SLTM: variants seen among roughly 807,000 people sequenced by gnomAD.
The protein encoded by SLTM is SAFB-like transcription modulator.
Under a neutral mutation model 134.6 loss-of-function variants are expected in SLTM, and 43 were observed. The observed-to-expected ratio is 0.32, with a 90% CI of 0.25 to 0.41. The LOEUF is 0.41. Ranked by LOEUF, SLTM falls within the 10% of genes least tolerant of loss-of-function variation. The probability of loss-of-function intolerance (pLI) is 1.00; values close to 1 mark genes in which losing one functional copy is unlikely to be tolerated. For synonymous variants in SLTM, 424 were observed against 432.3 expected (o/e 0.98, Z 0.24); for missense variants, 1,055 against 1,288.8 (o/e 0.82, Z 2.78).
intron 5 of SLTM, among the ~76,000 whole-genome samples, chr15:58,911,354 A>C (rs761207611): frequency 3.9e-5 from 6 of 152,202 alleles, no homozygotes; most frequent in African/African-American, 1.4e-4. Context: ...TACCCAGAGG[A>C]AATAACTGAC....
At chr15:58,907,957 G>A (rs1049878716) in intron 5 of SLTM, among the ~76,000 whole-genome samples, 1 of 151,538 alleles carries the variant, frequency 6.6e-6, no homozygotes, top group Middle Eastern at 3.2e-3. Context: ...GTCAAAGCCT[G>A]AGGACTGGCT....
intron 5 of SLTM, among the ~76,000 whole-genome samples, chr15:58,909,793 A>G (rs2036128575): frequency 6.6e-6 from 1 of 152,242 alleles, no homozygotes; most frequent in Non-Finnish European, 1.5e-5. Flanking sequence ...GTTGAACACC[A>G]CCACAGGAAT....
chr15:58,922,500 A>G lies in SLTM; in HGVS notation c.251-5501T>C, dbSNP rs1307677410. ...GTACATAATATACAATATGCATATT[A>G]TATATTATATACGTATAAAATTTAT... On this transcript the variant is annotated intron_variant, in intron 2 of 20. Coordinates refer to ENST00000380516, the MANE Select transcript of SLTM (RefSeq NM_024755.4). 4.8e-5 allele frequency among the ~76,000 whole-genome samples: 7 copies of G among 145,560 alleles called. No individual in the cohort carries two copies. In the South Asian group the frequency reaches 6.3e-4, roughly 13 times the overall value.
chr15:58,891,265 A>C (rs766912228), intron 14 of SLTM, among the ~76,000 whole-genome samples: 4 of 152,186 alleles, frequency 2.6e-5, no homozygotes, highest in Non-Finnish European at 5.9e-5. Flanking sequence ...TAAGTATCTT[A>C]TTGATGCATG....
Position 58,890,460 on chromosome 15 carries a change from G to A in SLTM, c.1900C>T (p.Arg634Ter). The A allele has an allele frequency of 6.2e-7, 1 of 1,612,088 alleles. No homozygotes were observed. Among genetic ancestry groups the A allele is most frequent in the Non-Finnish European group, 8.5e-7 (1 of 1,179,494 alleles). The part of the protein sequence containing the change: ...RLRRAMELRR[R>*]REIAERERRE... ...CGCTCTCTCTCTGCAATCTCTCTTC[G>A]TCTACCAAAAATCAGTATTTAGAAA... The change falls in exon 15 of 21, where the codon CGA becomes TGA. Residue 634 changes from arginine to a stop codon, truncating the protein, a stop_gained and splice_region_variant. Coordinates refer to ENST00000380516, the MANE Select transcript of SLTM (RefSeq NM_024755.4). LOFTEE classifies it high-confidence loss of function.
chr15:58,927,774 A>C (rs553107196), intron 2 of SLTM, among the ~76,000 whole-genome samples: 2 of 152,318 alleles, frequency 1.3e-5, no homozygotes, highest in Non-Finnish European at 2.9e-5. Flanking sequence ...TTATACGCCC[A>C]AAGTCCTCCT....
intron 5 of SLTM, among the ~76,000 whole-genome samples, chr15:58,909,558 G>T (rs2036110807): frequency 6.6e-6 from 1 of 152,160 alleles, no homozygotes; most frequent in Admixed American, 6.5e-5. Context: ...AATTAGAATA[G>T]CATCCCTCTG....
intron 5 of SLTM, among the ~76,000 whole-genome samples, chr15:58,905,133 T>G (rs2141066119): frequency 1.3e-5 from 2 of 152,322 alleles, no homozygotes; most frequent in East Asian, 3.9e-4. Context: ...CAGGAGCCAT[T>G]GCACCCAGCC....
chr15:58,913,734 A>G, intron 3 of SLTM, 38 bp from the exon 4 acceptor site: 1 of 1,556,830 alleles, frequency 6.4e-7, no homozygotes, highest in Non-Finnish European at 8.8e-7. Flanking sequence ...ACTAGAGGCA[A>G]AGTAGTGTGG....
At chr15:58,896,500 G>A (rs539526208) in intron 9 of SLTM, among the ~76,000 whole-genome samples, 12 of 151,952 alleles carry the variant, frequency 7.9e-5, no homozygotes, top group Admixed American at 2.6e-4. Context: ...GGCAGAGGTC[G>A]CAGTGAGCCC....
At chr15:58,912,661 G>C in intron 4 of SLTM, 51 bp from the exon 5 acceptor site, 1 of 1,452,470 alleles carries the variant, frequency 6.9e-7, no homozygotes. Flanking sequence ...TCGGGGTAAC[G>C]TGAGAATGCT....
chr15:58,919,562 G>A (rs959550891), intron 2 of SLTM, among the ~76,000 whole-genome samples: 2 of 152,074 alleles, frequency 1.3e-5, no homozygotes, highest in Non-Finnish European at 2.9e-5. Context: ...GGAGGGCAAG[G>A]CTGCAGTGAG....
chr15:58,887,543 ATT>A lies in SLTM; in HGVS notation c.2376-5_2376-4del. The A allele has an allele frequency of 1.9e-6, 3 of 1,602,752 alleles. No homozygotes were observed. The highest frequency in any genetic ancestry group is 2.6e-6 in the Non-Finnish European group (3 of 1,175,296). Reference sequence around the variant, plus strand: ...TTTGACCAACAAAGCGATCCCGCCTATTGATTAGAAACAAAGAATATAGGTCC... The same window carrying A: ...TTTGACCAACAAAGCGATCCCGCCTAGATTAGAAACAAAGAATATAGGTCC... On this transcript the variant is annotated splice_region_variant and splice_polypyrimidine_tract_variant and intron_variant, in intron 17 of 20. Transcript: ENST00000380516.
intron 19 of SLTM, among the ~76,000 whole-genome samples, chr15:58,885,061 G>A (rs968815682): frequency 7.2e-5 from 11 of 152,194 alleles, no homozygotes; most frequent in East Asian, 5.8e-4. Flanking sequence ...GACAAGGCAC[G>A]GCAGGGCCTA....
chr15:58,912,505 C>G, intron 5 of SLTM, 58 bp downstream of exon 5: 1 of 1,372,962 alleles, frequency 7.3e-7, no homozygotes, highest in Non-Finnish European at 1.0e-6. Flanking sequence ...AAATAAGATT[C>G]CTTTTCCAAG....
At chr15:58,894,705 G>GTTTTTT (rs3052966) in intron 9 of SLTM, 123 bp from the exon 10 acceptor site, 12 of 518,330 alleles carry the variant, frequency 2.3e-5, no homozygotes, top group African/African-American at 4.3e-5. Flanking sequence ...TCTGTCTCAT[G>GTTTTTT]TTTTTTTTTT....
chr15:58,883,745 C>A lies in SLTM; in HGVS notation c.2877G>T (p.Arg959=). ...ACTCTTTCCTTGGTCCGCTTGTGTC[C>A]CGTCCATGGCGTTCAACCACATGTC... ...EERHVVERHG[R]DTSGPRKEWH... is the part of the protein sequence containing the mutation. The change falls in exon 20 of 21, where the codon CGG becomes CGT. Residue 959 remains arginine (R), a synonymous_variant. Coordinates refer to ENST00000380516, the MANE Select transcript of SLTM (RefSeq NM_024755.4). 6.2e-7 allele frequency: 1 copy of A among 1,614,030 alleles called. No individual in the cohort carries two copies. The highest frequency in any genetic ancestry group is 8.5e-7 in the Non-Finnish European group (1 of 1,180,020).
intron 5 of SLTM, among the ~76,000 whole-genome samples, chr15:58,910,429 T>G (rs1418161903): frequency 2.0e-5 from 3 of 152,228 alleles, no homozygotes; most frequent in Non-Finnish European, 4.4e-5. Context: ...AAAACTTCTC[T>G]AAAAATGTAA....
At position 58,879,903 on chromosome 15, in the gene SLTM, T is replaced by C; in HGVS notation, c.*96A>G. 7.1e-7 allele frequency: 1 copy of C among 1,417,044 alleles called. No homozygotes were observed. The highest frequency in any genetic ancestry group is 9.4e-7 in the Non-Finnish European group (1 of 1,064,842). The allele number at this position is 1,417,044 out of a possible 1,614,324, so 87.8% of individuals were successfully genotyped here. ...TTTAAAAAGAAAAGTCTGACAGAAC[T>C]CTCAAGCAAGTCAGAGGTCCTCTTC... On this transcript the variant is annotated 3_prime_UTR_variant, in exon 21 of 21. Transcript: ENST00000380516.
Sources: gnomAD v4.1 joint callset for allele counts (sites outside exome capture counted in the v4.1 genomes callset) on GRCh38, gnomAD v4.1.1 for gene constraint, MANE v1.5 for transcripts, NCBI Gene and HGNC (gene_info 2026-07-23, HGNC 2026-07-21) for gene names.